Variants in PLXNA4 observed in about 807,000 individuals in gnomAD.
PLXNA4 encodes the protein plexin-A4.
A neutral mutation model predicts 191.8 loss-of-function variants in PLXNA4; 44 were observed. The ratio of observed to expected loss-of-function variants is 0.23; its 90% CI spans 0.18 to 0.29. The LOEUF (loss-of-function observed/expected upper bound fraction) is 0.29, where lower values mean the gene tolerates loss of function less well. Ranked by LOEUF, PLXNA4 falls within the 10% of genes least tolerant of loss-of-function variation. PLXNA4 has a pLI of 1.00. For synonymous variants in PLXNA4, 1,082 were observed against 1,009.5 expected, an observed-to-expected ratio of 1.07 and a Z score of -1.36; for missense variants, 1,800 against 2,488.8, an observed-to-expected ratio of 0.72 and a Z score of 5.89.
At chr7:132,223,453 T>C (rs1302199476) in intron 9 of PLXNA4, 74 bp downstream of exon 9, 2 of 1,311,816 alleles carry the variant, frequency 1.5e-6, no homozygotes, top group African/African-American at 2.9e-5. Flanking sequence ...TTTCTCCTCT[T>C]AAGGGAATGC....
chr7:132,429,223 G>A (rs2117185680), intron 3 of PLXNA4, among the ~76,000 whole-genome samples: 1 of 152,282 alleles, frequency 6.6e-6, no homozygotes, highest in East Asian at 1.9e-4. Context: ...CAAGCCCCAG[G>A]CCAACACTTT....
At position 132,180,809 on chromosome 7, in the gene PLXNA4, C is replaced by T; in HGVS notation, c.3493-77G>A. The T allele has an allele frequency of 2.6e-6, 4 of 1,560,062 alleles. No individual in the cohort carries two copies. The South Asian group carries it at 3.6e-5, about 14-fold the overall frequency. ...ACCAGCTGGCTCTCATGTCCTCCCA[C>T]CTGGAGGTCCCATCCCGCTGGTGAG... On this transcript the variant is annotated intron_variant, in intron 18 of 31. Coordinates refer to ENST00000321063, the MANE Select transcript of PLXNA4 (RefSeq NM_020911.2).
chr7:132,137,747 G>C (rs903384162), intron 30 of PLXNA4, among the ~76,000 whole-genome samples: 1 of 151,964 alleles, frequency 6.6e-6, no homozygotes, highest in Non-Finnish European at 1.5e-5. Context: ...GGATGGGTGG[G>C]AGGAGAGATC....
At chr7:132,161,051 C>A (rs1373183208) in intron 24 of PLXNA4, among the ~76,000 whole-genome samples, 1 of 152,212 alleles carries the variant, frequency 6.6e-6, no homozygotes, top group Non-Finnish European at 1.5e-5. Flanking sequence ...CTCTCCCCTC[C>A]TTCTAAGAGT....
chr7:132,433,061 C>T (rs1795330352), intron 3 of PLXNA4, among the ~76,000 whole-genome samples: 1 of 152,200 alleles, frequency 6.6e-6, no homozygotes, highest in African/African-American at 2.4e-5. Context: ...TTGATACACA[C>T]ACCAAATGGG....
intron 3 of PLXNA4, among the ~76,000 whole-genome samples, chr7:132,400,721 A>G (rs1793950339): frequency 6.6e-6 from 1 of 151,848 alleles, no homozygotes. Flanking sequence ...GGCCACAGCT[A>G]CTCCCCAAAC....
Position 132,272,555 on chromosome 7 carries a change from C to T in PLXNA4, c.1503+25536G>A, listed in dbSNP as rs573871452. Among the ~76,000 whole-genome samples the T allele has an allele frequency of 1.1e-3, 167 of 152,280 alleles. 1 individual carries two copies. Among genetic ancestry groups the T allele is most frequent in the African/African-American group, 3.9e-3 (161 of 41,562 alleles). Reference sequence around the variant, plus strand: ...CAAGTCTTGCATAGTTTCATTCCTGCCTAAATCAAGTCAGTTGGTCTCTTT... The same window carrying T: ...CAAGTCTTGCATAGTTTCATTCCTGTCTAAATCAAGTCAGTTGGTCTCTTT... On this transcript the variant is annotated intron_variant, in intron 4 of 31. Transcript: ENST00000321063.
intron 2 of PLXNA4, among the ~76,000 whole-genome samples, chr7:132,616,257 A>T (rs1295516145): frequency 6.6e-6 from 1 of 152,188 alleles, no homozygotes; most frequent in Admixed American, 6.5e-5. Context: ...GCTGCAGGCA[A>T]GAGAGGAGAA....
chr7:132,350,349 T>C (rs531220850), intron 3 of PLXNA4, among the ~76,000 whole-genome samples: 2 of 151,864 alleles, frequency 1.3e-5, no homozygotes, highest in Middle Eastern at 3.4e-3. Context: ...TACTAAAAAA[T>C]ACAAAAGTTA....
At chr7:132,230,698 G>A (rs1317168339) in intron 5 of PLXNA4, among the ~76,000 whole-genome samples, 1 of 152,182 alleles carries the variant, frequency 6.6e-6, no homozygotes, top group Non-Finnish European at 1.5e-5. Context: ...CACTGACATC[G>A]CTATTAATAG....
intron 3 of PLXNA4, among the ~76,000 whole-genome samples, chr7:132,372,181 G>A (rs1425435065): frequency 6.6e-6 from 1 of 152,180 alleles, no homozygotes; most frequent in African/African-American, 2.4e-5. Flanking sequence ...TAGGGCTGCA[G>A]GACCAGCTAT....
chr7:132,286,845 T>C (rs1238147132), intron 4 of PLXNA4, among the ~76,000 whole-genome samples: 1 of 152,190 alleles, frequency 6.6e-6, no homozygotes, highest in East Asian at 1.9e-4. Context: ...GACCACAGCC[T>C]CCTGGGCCCT....
intron 2 of PLXNA4, among the ~76,000 whole-genome samples, chr7:132,615,711 C>G (rs537242199): frequency 1.1e-4 from 16 of 152,274 alleles, no homozygotes; most frequent in African/African-American, 3.4e-4. Flanking sequence ...CTGGGAGACC[C>G]CATTTGAGCC....
At chr7:132,278,045 T>C (rs866103641) in intron 4 of PLXNA4, among the ~76,000 whole-genome samples, 15 of 152,356 alleles carry the variant, frequency 9.8e-5, no homozygotes, top group South Asian at 4.1e-4. Flanking sequence ...ATAATAAGTG[T>C]ACCTCACTTT....
intron 1 of PLXNA4, among the ~76,000 whole-genome samples, chr7:132,568,893 T>C (rs572065053): frequency 6.6e-6 from 1 of 152,338 alleles, no homozygotes; most frequent in Admixed American, 6.5e-5. Context: ...CTTTCTGCTG[T>C]TCCTCTGGCC....
chr7:132,420,326 C>A (rs1341320914), intron 3 of PLXNA4, among the ~76,000 whole-genome samples: 1 of 152,220 alleles, frequency 6.6e-6, no homozygotes, highest in African/African-American at 2.4e-5. Context: ...GGACTGTGAT[C>A]CAGTAGATTC....
At chr7:132,237,060 T>C (rs1297361281) in intron 5 of PLXNA4, among the ~76,000 whole-genome samples, 1 of 152,258 alleles carries the variant, frequency 6.6e-6, no homozygotes, top group Non-Finnish European at 1.5e-5. Context: ...AAGTGTTCTA[T>C]ATCTTGATAG....
intron 1 of PLXNA4, among the ~76,000 whole-genome samples, chr7:132,551,623 A>G (rs1186475142): frequency 6.6e-6 from 1 of 152,002 alleles, no homozygotes; most frequent in Non-Finnish European, 1.5e-5. Flanking sequence ...CCTGTACTGT[A>G]CTCTCTCAAT....
chr7:132,210,155 CTA>C (rs1475330515), intron 10 of PLXNA4, among the ~76,000 whole-genome samples: 1 of 152,184 alleles, frequency 6.6e-6, no homozygotes, highest in Non-Finnish European at 1.5e-5. Flanking sequence ...TGTTCTGAAT[CTA>C]TGTGTCTAGT....
Sources: gnomAD v4.1 joint callset for allele counts (sites outside exome capture counted in the v4.1 genomes callset) on GRCh38, gnomAD v4.1.1 for gene constraint, MANE v1.5 for transcripts, NCBI Gene and HGNC (gene_info 2026-07-23, HGNC 2026-07-21) for gene names.